Variants in RBMS3 observed in about 807,000 individuals in gnomAD.
The protein encoded by RBMS3 is RNA binding motif single stranded interacting protein 3.
In RBMS3, 27 loss-of-function variants were observed where a neutral mutation model predicts 66.8. The observed-to-expected ratio is 0.40, with a 90% CI of 0.30 to 0.56. RBMS3 has a LOEUF of 0.56. Ranked by LOEUF, RBMS3 falls within the 20% of genes least tolerant of loss-of-function variation. RBMS3 has a pLI of 0.40. For missense variants in RBMS3, 513 were observed against 549.5 expected, an observed-to-expected ratio of 0.93 and a Z score of 0.66; for synonymous variants, 188 against 183.0, an observed-to-expected ratio of 1.03 and a Z score of -0.22.
intron 3 of RBMS3, among the ~76,000 whole-genome samples, chr3:29,500,579 A>G (rs1424170939): frequency 6.6e-6 from 1 of 152,018 alleles, no homozygotes; most frequent in Non-Finnish European, 1.5e-5. Context: ...TTCTATGTTT[A>G]GATATACAAA....
intron 6 of RBMS3, among the ~76,000 whole-genome samples, chr3:29,771,542 A>G (rs1232244280): frequency 2.6e-5 from 4 of 152,078 alleles, no homozygotes; most frequent in African/African-American, 9.7e-5. Flanking sequence ...AAAAAGAGTA[A>G]TTAAGGTTAC....
Position 29,917,036 on chromosome 3 carries a change from C to T in RBMS3, c.939+17281C>T, listed in dbSNP as rs187100164. On this transcript the variant is annotated intron_variant, in intron 10 of 14. Transcript: ENST00000383767. ...TATAGTTAGTGACTTATTGGAAAAACGAAACCAGAGTCATTCATTCCTCTA... is the reference window on the plus strand; with the variant it reads ...TATAGTTAGTGACTTATTGGAAAAATGAAACCAGAGTCATTCATTCCTCTA... 1.3e-4 allele frequency among the ~76,000 whole-genome samples: 20 copies of T among 152,020 alleles called. No individual in the cohort carries two copies. The Middle Eastern group carries it at 0.01, about 78-fold the overall frequency.
intron 4 of RBMS3, among the ~76,000 whole-genome samples, chr3:29,631,537 T>C (rs1448963466): frequency 6.6e-6 from 1 of 151,908 alleles, no homozygotes; most frequent in Admixed American, 6.6e-5. Context: ...AGTTTTAGAA[T>C]ATTATTACTA....
chr3:29,512,137 G>T (rs1363294036), intron 3 of RBMS3, among the ~76,000 whole-genome samples: 1 of 151,918 alleles, frequency 6.6e-6, no homozygotes, highest in Non-Finnish European at 1.5e-5. Context: ...TCAAGAGAAA[G>T]AAAAAATGGG....
intron 4 of RBMS3, among the ~76,000 whole-genome samples, chr3:29,590,758 A>T (rs2047705153): frequency 6.6e-6 from 1 of 152,106 alleles, no homozygotes; most frequent in South Asian, 2.1e-4. Context: ...ACAATAAGTT[A>T]ACTTGCAGAT....
intron 8 of RBMS3, 148 bp from the exon 9 acceptor site, chr3:29,897,231 A>G (rs1359975374): frequency 6.2e-6 from 4 of 650,138 alleles, no homozygotes; most frequent in Non-Finnish European, 1.1e-5. Flanking sequence ...GAATCAAATA[A>G]TGTAAATCTC....
chr3:29,564,703 A>G (rs574737812), intron 3 of RBMS3, among the ~76,000 whole-genome samples: 23 of 152,228 alleles, frequency 1.5e-4, no homozygotes, highest in Non-Finnish European at 2.8e-4. Context: ...CTCAAACCAG[A>G]AGGTTTACAC....
chr3:29,507,518 G>A (rs1181604777), intron 3 of RBMS3, among the ~76,000 whole-genome samples: 1 of 151,972 alleles, frequency 6.6e-6, no homozygotes, highest in Non-Finnish European at 1.5e-5. Context: ...ACAAATCTAT[G>A]TATGCTCTGC....
Position 29,936,185 on chromosome 3 carries a change from A to C in RBMS3, c.1039A>C (p.Thr347Pro). ...TQQMNHLSLG[T>P]TGTIQSQDRI... The stretch of plus-strand genomic sequence containing the variant: ...GCAGATGAATCACCTTTCGTTGGGC[A>C]CAACAGGAACGGTGAGTTGAAGAGA... Residue 347 changes from threonine (T) to proline (P), a missense_variant, in exon 11 of 15, where the codon ACA becomes CCA. Thr to Pro is a conservative substitution (Grantham distance 38, BLOSUM62 -1). Coordinates refer to ENST00000383767, the MANE Select transcript of RBMS3 (RefSeq NM_001003793.3). 1 of 1,612,728 alleles carries C rather than the reference A, an allele frequency of 6.2e-7. No homozygotes were observed. Among genetic ancestry groups the C allele is most frequent in the South Asian group, 1.1e-5 (1 of 90,852 alleles).
At chr3:29,575,267 C>T (rs2047079521) in intron 3 of RBMS3, among the ~76,000 whole-genome samples, 1 of 151,572 alleles carries the variant, frequency 6.6e-6, no homozygotes, top group Non-Finnish European at 1.5e-5. Context: ...GTCGGATATA[C>T]TATTCAAGGG....
chr3:29,522,003 C>T (rs1013943166), intron 3 of RBMS3, among the ~76,000 whole-genome samples: 1 of 152,174 alleles, frequency 6.6e-6, no homozygotes, highest in African/African-American at 2.4e-5. Context: ...TTATCTTCAT[C>T]TTAACATAAT....
At chr3:29,425,224 A>G (rs2040906417) in intron 1 of RBMS3, among the ~76,000 whole-genome samples, 1 of 151,334 alleles carries the variant, frequency 6.6e-6, no homozygotes, top group East Asian at 1.9e-4. Flanking sequence ...AACAAAAAAA[A>G]AAAAACAGGC....
intron 1 of RBMS3, among the ~76,000 whole-genome samples, chr3:29,365,317 GATAT>G (rs10540437): frequency 4.0e-5 from 6 of 150,792 alleles, no homozygotes; most frequent in Non-Finnish European, 7.4e-5. Context: ...CAAATTAGGA[GATAT>G]ATATATATAT....
chr3:29,956,248 ACCTGGAATTTCTTC>A (rs1696035443), intron 12 of RBMS3, among the ~76,000 whole-genome samples: 1 of 151,752 alleles, frequency 6.6e-6, no homozygotes, highest in Non-Finnish European at 1.5e-5. Flanking sequence ...CTCACTTTCC[ACCTGGAATTTCTTC>A]CCTGCCACAC....
intron 14 of RBMS3, among the ~76,000 whole-genome samples, chr3:29,998,915 C>A (rs1414917114): frequency 6.6e-6 from 1 of 152,022 alleles, no homozygotes; most frequent in African/African-American, 2.4e-5. Context: ...CCAAAATTGA[C>A]AAATGGGATC....
intron 1 of RBMS3, among the ~76,000 whole-genome samples, chr3:29,372,276 G>GT (rs2038246493): frequency 6.6e-6 from 1 of 152,016 alleles, no homozygotes; most frequent in Admixed American, 6.6e-5. Context: ...GCTGCAGTGA[G>GT]TGAGATCACG....
At chr3:29,308,758 A>AAAAC (rs1559477269) in intron 1 of RBMS3, among the ~76,000 whole-genome samples, 1 of 89,050 alleles carries the variant, frequency 1.1e-5, no homozygotes, top group Non-Finnish European at 2.3e-5. Context: ...AAAAAAAACA[A>AAAAC]AAAAAAAAAC....
intron 3 of RBMS3, among the ~76,000 whole-genome samples, chr3:29,524,415 ATTTTTTTTTTTTTTTT>A (rs1222102515): frequency 5.3e-5 from 3 of 57,076 alleles, no homozygotes; most frequent in African/African-American, 7.3e-5. Flanking sequence ...CTCCCTTTAC[ATTTTTTTTTTTTTTTT>A]TTTTTTTTTT....
chr3:29,725,840 T>A (rs1372134619), intron 4 of RBMS3, among the ~76,000 whole-genome samples: 3 of 151,992 alleles, frequency 2.0e-5, no homozygotes, highest in Non-Finnish European at 4.4e-5. Flanking sequence ...AAAGAGGGAA[T>A]CCTCCCTAAC....
Sources: gnomAD v4.1 joint callset for allele counts (sites outside exome capture counted in the v4.1 genomes callset) on GRCh38, gnomAD v4.1.1 for gene constraint, MANE v1.5 for transcripts, NCBI Gene and HGNC (gene_info 2026-07-23, HGNC 2026-07-21) for gene names.